STPG4: variants seen among roughly 807,000 people sequenced by gnomAD.
The protein encoded by STPG4 is sperm-tail PG-rich repeat containing 4.
A neutral mutation model predicts 31.5 loss-of-function variants in STPG4; 41 were observed. The ratio of observed to expected loss-of-function variants is 1.30; its 90% CI spans 1.01 to 1.69. The LOEUF (loss-of-function observed/expected upper bound fraction) is 1.69, where lower values mean the gene tolerates loss of function less well. Among genes scored for constraint, STPG4 ranks in the 40% most tolerant of loss-of-function variants. The pLI, the probability that STPG4 is intolerant of heterozygous loss-of-function variation, is 0.00. For missense variants in STPG4, 375 were observed against 293.4 expected (o/e 1.28, Z -2.03); for synonymous variants, 141 against 103.0 (o/e 1.37, Z -2.24).
intron 3 of STPG4, among the ~76,000 whole-genome samples, chr2:47,144,454 G>A (rs1202264970): frequency 1.3e-5 from 2 of 152,158 alleles, no homozygotes; most frequent in Non-Finnish European, 2.9e-5. Context: ...GCTGAGGCAG[G>A]AGGAGGACTG....
At chr2:47,130,346 T>C in intron 3 of STPG4, 86 bp from the exon 4 acceptor site, 2 of 1,089,100 alleles carry the variant, frequency 1.8e-6, no homozygotes. Flanking sequence ...TTTTATTTTA[T>C]GACCATACAA....
rs1265196869 is a variant in STPG4, at chr2:47,090,331, G to A, written c.563C>T (p.Pro188Leu). 6.4e-7 allele frequency: 1 copy of A among 1,552,050 alleles called. No individual in the cohort carries two copies. The highest frequency in any genetic ancestry group is 1.2e-5 in the South Asian group (1 of 84,056). ...AAAACAAGAAGTGACAGAGCTTGTT[G>A]GAGGCATTTTCACATTATAATGACC... ...GPGHYNVKMP[P>L]TSSVTSCFQS... Residue 188 changes from proline (P) to leucine (L), a missense_variant, in exon 6 of 7, where the codon CCA (proline) becomes CTA (leucine). Pro to Leu is a moderately conservative substitution (Grantham distance 98). Transcript: ENST00000445927.
chr2:47,094,990 G>A lies in STPG4; in HGVS notation c.520-4616C>T, dbSNP rs111948191. On this transcript the variant is annotated intron_variant, in intron 5 of 6. Transcript: ENST00000445927. Reference sequence around the variant, plus strand: ...CAATACACTCCTCTGGAGTGAAGACGTGTATCACTCTGGGGCAGCCCAGGG... The same window carrying A: ...CAATACACTCCTCTGGAGTGAAGACATGTATCACTCTGGGGCAGCCCAGGG... Among the ~76,000 whole-genome samples, 723 of 152,318 alleles carry A rather than the reference G, an allele frequency of 4.7e-3. 3 individuals carry two copies. The highest frequency in any genetic ancestry group is 0.017 in the South Asian group (80 of 4,828).
rs1685724406 is a variant in STPG4, at chr2:47,098,560, C to T, written c.520-8186G>A. On this transcript the variant is annotated intron_variant, in intron 5 of 6. Coordinates refer to ENST00000445927, the MANE Select transcript of STPG4 (RefSeq NM_001163561.2). ...GTCTAGAAAGAGCACACAATCCACT[C>T]CCATTTATCTTAGCACAAACAGCTT... Among the ~76,000 whole-genome samples the T allele has an allele frequency of 3.9e-5, 6 of 152,176 alleles. No homozygotes were observed. In the South Asian group the frequency reaches 8.3e-4, roughly 21 times the overall value.
rs562896429 is a variant in STPG4, at chr2:47,091,443, C to T, written c.520-1069G>A. ...AAATGGGAATAGCCCAAACACCACACTGGATAATGCTAACATGATGTTCAT... is the reference window on the plus strand; with the variant it reads ...AAATGGGAATAGCCCAAACACCACATTGGATAATGCTAACATGATGTTCAT... On this transcript the variant is annotated intron_variant, in intron 5 of 6. Transcript: ENST00000445927. Among the ~76,000 whole-genome samples, 202 of 152,356 alleles carry T rather than the reference C, an allele frequency of 1.3e-3. 1 individual carries two copies. Among genetic ancestry groups the T allele is most frequent in the Non-Finnish European group, 1.7e-3 (119 of 68,036 alleles).
chr2:47,124,049 C>G (rs1184013355), intron 5 of STPG4, among the ~76,000 whole-genome samples: 1 of 152,084 alleles, frequency 6.6e-6, no homozygotes, highest in East Asian at 1.9e-4. Context: ...GTGGCGCGAT[C>G]TCAGCTCACT....
intron 5 of STPG4, among the ~76,000 whole-genome samples, chr2:47,105,694 A>G (rs1685896688): frequency 6.6e-6 from 1 of 152,174 alleles, no homozygotes; most frequent in East Asian, 1.9e-4. Flanking sequence ...TGATGTAACC[A>G]TACTTGAAAG....
At chr2:47,148,366 C>T (rs941312872) in intron 3 of STPG4, among the ~76,000 whole-genome samples, 9 of 151,824 alleles carry the variant, frequency 5.9e-5, no homozygotes, top group Non-Finnish European at 1.3e-4. Context: ...GTACCCCAAA[C>T]CTCAGCATCA....
intron 5 of STPG4, among the ~76,000 whole-genome samples, chr2:47,100,012 C>T (rs1358192344): frequency 6.6e-6 from 1 of 152,094 alleles, no homozygotes; most frequent in Non-Finnish European, 1.5e-5. Flanking sequence ...CCTGAGCCTC[C>T]CACCCCTTCC....
At chr2:47,096,305 G>A (rs564155007) in intron 5 of STPG4, among the ~76,000 whole-genome samples, 34 of 152,260 alleles carry the variant, frequency 2.2e-4, no homozygotes, top group Middle Eastern at 3.4e-3. Flanking sequence ...CAAGGGGTCC[G>A]AGACGCCTCT....
chr2:47,153,088 C>T, intron 1 of STPG4, 72 bp from the exon 2 acceptor site: 1 of 1,210,334 alleles, frequency 8.3e-7, no homozygotes, highest in Non-Finnish European at 1.2e-6. Flanking sequence ...ATTTATAAAA[C>T]ATTTGCTTGA....
intron 5 of STPG4, among the ~76,000 whole-genome samples, chr2:47,121,314 G>A (rs989658183): frequency 1.3e-5 from 2 of 152,138 alleles, no homozygotes; most frequent in African/African-American, 4.8e-5. Context: ...CAAGCACTGT[G>A]AGGATGTGGG....
chr2:47,124,819 A>G (rs1405273421), intron 5 of STPG4, among the ~76,000 whole-genome samples: 2 of 152,142 alleles, frequency 1.3e-5, no homozygotes, highest in African/African-American at 4.8e-5. Context: ...TGGTAGCTCT[A>G]TGTTTACTTT....
chr2:47,144,565 A>T (rs1686780278), intron 3 of STPG4, among the ~76,000 whole-genome samples: 1 of 152,044 alleles, frequency 6.6e-6, no homozygotes, highest in Non-Finnish European at 1.5e-5. Flanking sequence ...AAAATAAATG[A>T]TGTGTAAAGA....
intron 2 of STPG4, among the ~76,000 whole-genome samples, chr2:47,152,023 A>T (rs1386704396): frequency 6.6e-6 from 1 of 151,452 alleles, no homozygotes; most frequent in African/African-American, 2.4e-5. Flanking sequence ...TTGGCATCCC[A>T]AAGTGCTGGG....
At chr2:47,155,095 A>G in intron 1 of STPG4, 76 bp downstream of exon 1, 1 of 1,404,652 alleles carries the variant, frequency 7.1e-7, no homozygotes, top group Non-Finnish European at 1.0e-6. Flanking sequence ...GCCTGGGATT[A>G]GAGAGCGGTG....
chr2:47,143,649 C>T (rs1342860116), intron 3 of STPG4, among the ~76,000 whole-genome samples: 1 of 152,058 alleles, frequency 6.6e-6, no homozygotes, highest in Non-Finnish European at 1.5e-5. Context: ...CCACGCCCGG[C>T]TAATTTTTTT....
intron 5 of STPG4, among the ~76,000 whole-genome samples, chr2:47,122,101 G>A (rs146656460): frequency 6.4e-4 from 97 of 152,234 alleles, no homozygotes; most frequent in Non-Finnish European, 1.2e-3. Context: ...ACACTTAAAT[G>A]TTAGTGAGAT....
At chr2:47,115,653 T>TG (rs1686134437) in intron 5 of STPG4, among the ~76,000 whole-genome samples, 2 of 11,096 alleles carry the variant, frequency 1.8e-4, no homozygotes, top group African/African-American at 2.6e-4. Flanking sequence ...CATTAAAGGC[T>TG]TTTTTTTTTT....
Sources: gnomAD v4.1 joint callset for allele counts (sites outside exome capture counted in the v4.1 genomes callset) on GRCh38, gnomAD v4.1.1 for gene constraint, MANE v1.5 for transcripts, NCBI Gene and HGNC (gene_info 2026-07-23, HGNC 2026-07-21) for gene names.